SDK1: variants seen among roughly 807,000 people sequenced by gnomAD.
The protein encoded by SDK1 is protein sidekick-1.
A neutral mutation model predicts 245.5 loss-of-function variants in SDK1; 157 were observed. The ratio of observed to expected loss-of-function variants is 0.64; its 90% CI spans 0.56 to 0.73. The LOEUF is 0.73. Ranked by LOEUF, SDK1 falls within the 30% of genes least tolerant of loss-of-function variation. The pLI is 0.00. For missense variants in SDK1, 3,583 were observed against 3,002.3 expected, an observed-to-expected ratio of 1.19 and a Z score of -4.52; for synonymous variants, 1,647 against 1,278.5, an observed-to-expected ratio of 1.29 and a Z score of -6.15.
intron 1 of SDK1, among the ~76,000 whole-genome samples, chr7:3,467,975 ATG>A (rs869158920): frequency 6.0e-4 from 61 of 101,998 alleles, no homozygotes; most frequent in African/African-American, 1.6e-3. Flanking sequence ...CATTGTTGTC[ATG>A]TTTTTTTAAT....
intron 4 of SDK1, among the ~76,000 whole-genome samples, chr7:3,795,602 A>C (rs11983236): frequency 1.3e-5 from 2 of 152,048 alleles, no homozygotes; most frequent in Non-Finnish European, 2.9e-5. Flanking sequence ...TCCAGCTGGC[A>C]TTCTCTTTCT....
intron 4 of SDK1, among the ~76,000 whole-genome samples, chr7:3,647,792 A>G (rs576497887): frequency 6.6e-6 from 1 of 152,262 alleles, no homozygotes; most frequent in South Asian, 2.1e-4. Context: ...CTTGGTATGC[A>G]TAGGAGATAC....
At chr7:3,962,540 G>A (rs1295272719) in intron 8 of SDK1, 117 bp from the exon 9 acceptor site, 18 of 916,906 alleles carry the variant, frequency 2.0e-5, no homozygotes, top group Admixed American at 8.8e-5. Context: ...TTGAAAGCAC[G>A]AATACACAAG....
chr7:4,028,638 A>C (rs1583874864), intron 17 of SDK1, among the ~76,000 whole-genome samples: 1 of 152,212 alleles, frequency 6.6e-6, no homozygotes, highest in Non-Finnish European at 1.5e-5. Flanking sequence ...ATTTCATAAC[A>C]CTTTATGTCC....
chr7:4,118,321 A>G (rs567558578), intron 25 of SDK1, among the ~76,000 whole-genome samples: 48 of 152,354 alleles, frequency 3.2e-4, no homozygotes, highest in Admixed American at 2.9e-3. Flanking sequence ...AGCACATGAA[A>G]ACATGCTCAA....
chr7:3,788,029 G>T (rs1780959516), intron 4 of SDK1, among the ~76,000 whole-genome samples: 1 of 152,200 alleles, frequency 6.6e-6, no homozygotes, highest in African/African-American at 2.4e-5. Context: ...GTGACTCTGA[G>T]AATCATGCCA....
intron 44 of SDK1, among the ~76,000 whole-genome samples, chr7:4,248,526 G>C (rs202168255): frequency 1.4e-5 from 2 of 148,030 alleles, no homozygotes; most frequent in Non-Finnish European, 3.0e-5. Flanking sequence ...GCACACATAC[G>C]TACACATACA....
chr7:3,801,563 C>G (rs1340328871), intron 4 of SDK1, among the ~76,000 whole-genome samples: 2 of 152,142 alleles, frequency 1.3e-5, no homozygotes, highest in Non-Finnish European at 2.9e-5. Flanking sequence ...GTTGAGCAAC[C>G]AGATCATCAG....
At chr7:3,518,305 T>C (rs1782814799) in intron 1 of SDK1, among the ~76,000 whole-genome samples, 1 of 151,904 alleles carries the variant, frequency 6.6e-6, no homozygotes, top group South Asian at 2.1e-4. Flanking sequence ...GAATAATATC[T>C]CAAAAACACA....
At chr7:3,798,496 T>C (rs570364437) in intron 4 of SDK1, among the ~76,000 whole-genome samples, 12 of 152,156 alleles carry the variant, frequency 7.9e-5, no homozygotes, top group East Asian at 1.9e-4. Flanking sequence ...GGATTACAGG[T>C]GTGAACCACT....
At chr7:3,539,293 T>G (rs1778985780) in intron 1 of SDK1, among the ~76,000 whole-genome samples, 1 of 152,110 alleles carries the variant, frequency 6.6e-6, no homozygotes, top group South Asian at 2.1e-4. Flanking sequence ...CAAAACTAGA[T>G]AGAGAGAGTT....
rs550066724 is a variant in SDK1 at position 4,136,232 on chromosome 7, C to A, written c.4228+3809C>A. Among the ~76,000 whole-genome samples the A allele has an allele frequency of 1.8e-3, 268 of 152,310 alleles. 3 individuals are homozygous for A. The highest frequency in any genetic ancestry group is 6.2e-3 in the African/African-American group (256 of 41,564). On this transcript the variant is annotated intron_variant, in intron 28 of 44. Transcript: ENST00000404826. Reference sequence around the variant, plus strand: ...GGCTTGTAATTGTAATGCATGTTGTCCGGGTAACCTGTCACCCATGGGTCA... The same window carrying A: ...GGCTTGTAATTGTAATGCATGTTGTACGGGTAACCTGTCACCCATGGGTCA...
At chr7:3,385,137 G>T (rs1781578933) in intron 1 of SDK1, among the ~76,000 whole-genome samples, 1 of 152,158 alleles carries the variant, frequency 6.6e-6, no homozygotes, top group Non-Finnish European at 1.5e-5. Context: ...TTCAGGTATG[G>T]ATTCTACCAC....
At chr7:3,385,517 C>G (rs533267160) in intron 1 of SDK1, among the ~76,000 whole-genome samples, 1 of 152,022 alleles carries the variant, frequency 6.6e-6, no homozygotes, top group Non-Finnish European at 1.5e-5. Flanking sequence ...TAAAAAAACT[C>G]CAGAATCTTC....
intron 5 of SDK1, among the ~76,000 whole-genome samples, chr7:3,936,971 G>A (rs1780184766): frequency 6.6e-6 from 1 of 152,202 alleles, no homozygotes; most frequent in South Asian, 2.1e-4. Flanking sequence ...CCGAAGCTCA[G>A]GAATGTTGGA....
intron 22 of SDK1, among the ~76,000 whole-genome samples, chr7:4,102,660 G>A (rs1182144639): frequency 6.6e-6 from 1 of 152,154 alleles, no homozygotes; most frequent in African/African-American, 2.4e-5. Flanking sequence ...TCCCAGCAGG[G>A]GTGTTCCTGG....
chr7:4,230,257 G>A (rs1412539090), intron 40 of SDK1, among the ~76,000 whole-genome samples: 1 of 151,748 alleles, frequency 6.6e-6, no homozygotes, highest in Non-Finnish European at 1.5e-5. Context: ...GTGGATGGGT[G>A]AGTGGGTGGA....
At chr7:3,608,480 C>T (rs1312313225) in intron 1 of SDK1, among the ~76,000 whole-genome samples, 1 of 152,152 alleles carries the variant, frequency 6.6e-6, no homozygotes, top group Non-Finnish European at 1.5e-5. Context: ...AAACAACTGA[C>T]AGTATTTGTG....
chr7:4,027,483 T>C lies in SDK1; in HGVS notation c.2602+10131T>C, dbSNP rs368028027. ...TCATTCCTTACTGCAGAGGCCTGGA[T>C]ATTCACATCCACCTGGCCCAGGAGG... On this transcript the variant is annotated intron_variant, in intron 17 of 44. Transcript: ENST00000404826. 1.3e-3 allele frequency among the ~76,000 whole-genome samples: 193 copies of C among 152,312 alleles called. 1 individual carries two copies. The highest frequency in any genetic ancestry group is 4.5e-3 in the African/African-American group (187 of 41,566).
Sources: allele counts gnomAD v4.1 joint callset (sites outside exome capture counted in the v4.1 genomes callset), GRCh38; gene constraint gnomAD v4.1.1; transcripts MANE v1.5; gene names NCBI Gene and HGNC (gene_info 2026-07-23, HGNC 2026-07-21).